FBXW4: variants seen among roughly 807,000 people sequenced by gnomAD.
FBXW4 encodes F-box and WD repeat domain containing 4, also known as F-box/WD repeat-containing protein 4.
A neutral mutation model predicts 61.8 loss-of-function variants in FBXW4; 40 were observed. The ratio of observed to expected loss-of-function variants is 0.65; its 90% CI spans 0.50 to 0.84. The LOEUF (loss-of-function observed/expected upper bound fraction) is 0.84. Among genes scored for constraint, FBXW4 ranks in the 40% least tolerant of loss-of-function variants. The pLI, the probability that FBXW4 is intolerant of heterozygous loss-of-function variation, is 0.00. For missense variants in FBXW4, 672 were observed against 753.8 expected (o/e 0.89, Z 1.27); for synonymous variants, 311 against 313.8 (o/e 0.99, Z 0.10).
At position 101,611,738 on chromosome 10, in the gene FBXW4, C is replaced by T. The variant is rs746538131; in HGVS notation, c.1474G>A (p.Asp492Asn). The change falls in exon 8 of 9, where the codon GAC (aspartate) becomes AAC (asparagine). Residue 492 changes from aspartate (D) to asparagine (N), a missense_variant. Physicochemically the swap from Asp to Asn is conservative, Grantham distance 23. Transcript: ENST00000331272. The surrounding 1 kb of genome is among the most constrained non-coding windows in gnomAD (Gnocchi z 4.9). Reference protein sequence around the residue: ...KCVMEWEEPHDSTLYCLQTDG... With the variant: ...KCVMEWEEPHNSTLYCLQTDG... ...GTCTGCAGGCAGTACAGGGTGCTGT[C>T]GTGGGGCTCCTCCCACTCCATGACA... 3 of 1,614,072 alleles carry T rather than the reference C, an allele frequency of 1.9e-6. No individual in the cohort carries two copies. Among genetic ancestry groups the T allele is most frequent in the Non-Finnish European group, 2.5e-6 (3 of 1,179,986 alleles).
intron 6 of FBXW4, among the ~76,000 whole-genome samples, chr10:101,622,433 T>C (rs191004502): frequency 1.5e-3 from 223 of 152,038 alleles, no homozygotes; most frequent in African/African-American, 5.3e-3. Context: ...GTTAAGAGGA[T>C]AAAAAGACAA....
intron 1 of FBXW4, among the ~76,000 whole-genome samples, chr10:101,683,426 T>C (rs1038512586): frequency 2.6e-5 from 4 of 152,172 alleles, no homozygotes; most frequent in African/African-American, 9.7e-5. Context: ...TAGTAACCAT[T>C]AGAGTTTGCA....
In FBXW4 at chr10:101,681,718, AAATAATAATAAT is replaced by A. The variant is rs60453783; in HGVS notation, c.726-5294_726-5283del. Among the ~76,000 whole-genome samples the A allele has an allele frequency of 3.8e-3, 549 of 143,406 alleles. 5 individuals carry two copies. Among genetic ancestry groups the A allele is most frequent in the East Asian group, 0.011 (55 of 4,862 alleles). The allele number at this position is 143,406 out of a possible 152,430, so 94.1% of individuals were successfully genotyped here. On this transcript the variant is annotated intron_variant, in intron 1 of 8. Transcript: ENST00000331272. Reference sequence around the variant, plus strand: ...GGCGACAGAGCGAGACTCCGTCTCAAAATAATAATAATAATAATAATAATAATAATAATAATA... The same window carrying A: ...GGCGACAGAGCGAGACTCCGTCTCAAAATAATAATAATAATAATAATAATA...
intron 5 of FBXW4, among the ~76,000 whole-genome samples, chr10:101,641,517 G>A (rs2064052924): frequency 6.6e-6 from 1 of 151,952 alleles, no homozygotes; most frequent in Non-Finnish European, 1.5e-5. Flanking sequence ...TCTGACTATA[G>A]GAGCAAACTC....
rs1165237379 is a variant in FBXW4, at chr10:101,676,446, G to C, written c.726-10C>G. The C allele has an allele frequency of 5.0e-6, 8 of 1,605,376 alleles. No individual in the cohort carries two copies. Among genetic ancestry groups the C allele is most frequent in the East Asian group, 2.2e-5 (1 of 44,710 alleles). On this transcript the variant is annotated splice_polypyrimidine_tract_variant and intron_variant, in intron 1 of 8. Coordinates refer to ENST00000331272, the MANE Select transcript of FBXW4 (RefSeq NM_022039.4). ...TGGGACACTGGTCATCCTATGTCCA[G>C]ACAGAACAGATAATCCAATCACTAC...
chr10:101,679,205 C>A (rs1434851275), intron 1 of FBXW4, among the ~76,000 whole-genome samples: 10 of 152,178 alleles, frequency 6.6e-5, no homozygotes, highest in Admixed American at 3.3e-4. Context: ...CTGCATCTGG[C>A]CAGCTGAATA....
chr10:101,656,874 A>T (rs1462700655), intron 5 of FBXW4, among the ~76,000 whole-genome samples: 3 of 152,196 alleles, frequency 2.0e-5, no homozygotes, highest in African/African-American at 7.2e-5. Flanking sequence ...ACCCTGCTGA[A>T]GATTTTGGAT....
intron 5 of FBXW4, among the ~76,000 whole-genome samples, chr10:101,651,430 T>C (rs1348381620): frequency 6.6e-6 from 1 of 152,222 alleles, no homozygotes; most frequent in Admixed American, 6.5e-5. Flanking sequence ...AGCCTGGTCC[T>C]GACGTGAAAT....
intron 6 of FBXW4, among the ~76,000 whole-genome samples, chr10:101,614,135 G>A (rs1219883010): frequency 6.6e-6 from 1 of 152,254 alleles, no homozygotes; most frequent in African/African-American, 2.4e-5. Context: ...ATGCTGGGTA[G>A]GGGCTGTTTG....
At chr10:101,690,120 C>T (rs1331210854) in intron 1 of FBXW4, among the ~76,000 whole-genome samples, 2 of 152,202 alleles carry the variant, frequency 1.3e-5, no homozygotes, top group Admixed American at 6.5e-5. Context: ...AATAGCTTTA[C>T]ATGCACAGAT....
intron 1 of FBXW4, among the ~76,000 whole-genome samples, chr10:101,684,820 T>C (rs2064517850): frequency 6.6e-6 from 1 of 152,248 alleles, no homozygotes; most frequent in South Asian, 2.1e-4. Flanking sequence ...AAAATCTTTA[T>C]ATCATGTTAA....
chr10:101,676,108 T>C (rs2064404895), intron 2 of FBXW4, among the ~76,000 whole-genome samples: 1 of 152,212 alleles, frequency 6.6e-6, no homozygotes, highest in Non-Finnish European at 1.5e-5. Context: ...AAAATAAGCA[T>C]TGATTTCTTT....
intron 5 of FBXW4, among the ~76,000 whole-genome samples, chr10:101,628,871 C>G (rs547566793): frequency 3.3e-5 from 5 of 152,310 alleles, no homozygotes; most frequent in African/African-American, 1.2e-4. Context: ...CAGAAGCCAG[C>G]CTTCTATAAT....
intron 5 of FBXW4, among the ~76,000 whole-genome samples, chr10:101,652,656 A>G (rs911154478): frequency 5.3e-5 from 8 of 152,256 alleles, no homozygotes; most frequent in African/African-American, 1.9e-4. Flanking sequence ...AAATCAAGCA[A>G]GGAAAAGAAA....
At chr10:101,674,255 G>A (rs2064386551) in intron 2 of FBXW4, among the ~76,000 whole-genome samples, 1 of 151,902 alleles carries the variant, frequency 6.6e-6, no homozygotes, top group Non-Finnish European at 1.5e-5. Flanking sequence ...CTTGAACCTG[G>A]GAGGCGGAGG....
At chr10:101,645,798 AG>A (rs2134851772) in intron 5 of FBXW4, among the ~76,000 whole-genome samples, 1 of 152,326 alleles carries the variant, frequency 6.6e-6, no homozygotes, top group East Asian at 1.9e-4. Flanking sequence ...TCCAAATGAG[AG>A]AGCTCAGCAC....
intron 6 of FBXW4, 23 bp downstream of exon 6, chr10:101,624,722 G>C (rs755584804): frequency 6.8e-6 from 11 of 1,613,624 alleles, no homozygotes; most frequent in Middle Eastern, 1.6e-4. Context: ...CTGGAAGCCA[G>C]CATGGGCTCA....
intron 5 of FBXW4, among the ~76,000 whole-genome samples, chr10:101,655,202 A>G (rs549342466): frequency 6.6e-6 from 1 of 152,304 alleles, no homozygotes; most frequent in South Asian, 2.1e-4. Context: ...CTTACAATGA[A>G]TTCCTAGAAG....
At chr10:101,645,040 A>T (rs2064084309) in intron 5 of FBXW4, among the ~76,000 whole-genome samples, 1 of 152,126 alleles carries the variant, frequency 6.6e-6, no homozygotes. Flanking sequence ...CATGAAAACT[A>T]CTGCACTATG....
Sources: allele counts gnomAD v4.1 joint callset (sites outside exome capture counted in the v4.1 genomes callset), GRCh38; gene constraint gnomAD v4.1.1; non-coding constraint Gnocchi (gnomAD v3.1); transcripts MANE v1.5; gene names NCBI Gene and HGNC (gene_info 2026-07-23, HGNC 2026-07-21).